DISC1: variants seen among roughly 807,000 people sequenced by gnomAD.
DISC1 encodes disrupted in schizophrenia 1 protein.
In DISC1, 57 loss-of-function variants were observed where a neutral mutation model predicts 84.5. The observed-to-expected ratio is 0.67, with a 90% CI of 0.55 to 0.84. DISC1 has a LOEUF of 0.84. Ranked by LOEUF, DISC1 falls within the 40% of genes least tolerant of loss-of-function variation. DISC1 has a pLI of 0.00. For missense variants in DISC1, 1,000 were observed against 1,057.8 expected (o/e 0.95, Z 0.76); for synonymous variants, 411 against 415.2 (o/e 0.99, Z 0.12).
At chr1:231,668,502 T>C (rs1484121353) in intron 1 of DISC1, among the ~76,000 whole-genome samples, 1 of 152,156 alleles carries the variant, frequency 6.6e-6, no homozygotes, top group Non-Finnish European at 1.5e-5. Flanking sequence ...AAGAGATGAT[T>C]TTCAGAGTCA....
At chr1:231,786,298 G>C (rs1051122606) in intron 6 of DISC1, among the ~76,000 whole-genome samples, 1 of 152,220 alleles carries the variant, frequency 6.6e-6, no homozygotes, top group Non-Finnish European at 1.5e-5. Flanking sequence ...CAACTGAGAA[G>C]ATGGAGCCCC....
In DISC1 at chr1:231,645,381, A is replaced by T. The variant is rs2060035885; in HGVS notation, c.67+18447A>T. Among the ~76,000 whole-genome samples, 3 of 152,252 alleles carry T rather than the reference A, an allele frequency of 2.0e-5. No homozygotes were observed. In the South Asian group the frequency reaches 6.2e-4, roughly 32 times the overall value. ...GTACAAGTCAAACCAGGGCCTTTAG[A>T]GCAGGGACCTTCATTGCACTGCCCT... On this transcript the variant is annotated intron_variant, in intron 1 of 12. Coordinates refer to ENST00000439617, the MANE Select transcript of DISC1 (RefSeq NM_018662.3).
At chr1:231,991,983 TG>T (rs1224885042) in intron 10 of DISC1, among the ~76,000 whole-genome samples, 1 of 152,234 alleles carries the variant, frequency 6.6e-6, no homozygotes, top group Non-Finnish European at 1.5e-5. Context: ...TAAAAATGGC[TG>T]TATGATATGT....
chr1:231,901,201 C>A (rs1026763363), intron 9 of DISC1, among the ~76,000 whole-genome samples: 1 of 152,128 alleles, frequency 6.6e-6, no homozygotes, highest in Non-Finnish European at 1.5e-5. Context: ...AATGGCTGGC[C>A]TGTCTTCAAA....
chr1:231,755,895 C>G (rs1305177636), intron 4 of DISC1, among the ~76,000 whole-genome samples: 1 of 152,224 alleles, frequency 6.6e-6, no homozygotes, highest in Non-Finnish European at 1.5e-5. Flanking sequence ...TTGCAGTGGT[C>G]TCCTTGCTGG....
chr1:231,705,765 AT>A (rs1465291882), intron 3 of DISC1, among the ~76,000 whole-genome samples: 2 of 152,140 alleles, frequency 1.3e-5, no homozygotes, highest in Non-Finnish European at 2.9e-5. Context: ...CATTTTAAGA[AT>A]TGTTGAGTTT....
intron 10 of DISC1, among the ~76,000 whole-genome samples, chr1:231,962,651 A>G (rs945120651): frequency 6.6e-6 from 1 of 152,198 alleles, no homozygotes; most frequent in African/African-American, 2.4e-5. Context: ...AGATTAGGGT[A>G]TATTTTTAGT....
chr1:231,840,083 A>G (rs1208286170), intron 9 of DISC1, among the ~76,000 whole-genome samples: 1 of 152,306 alleles, frequency 6.6e-6, no homozygotes, highest in Non-Finnish European at 1.5e-5. Flanking sequence ...CCTCAAAAAA[A>G]CCCAAACATT....
intron 11 of DISC1, among the ~76,000 whole-genome samples, chr1:232,014,840 T>A (rs555295905): frequency 6.6e-6 from 1 of 152,236 alleles, no homozygotes; most frequent in Non-Finnish European, 1.5e-5. Context: ...TGTTATTGAA[T>A]CTTTCCAAGG....
chr1:231,764,289 A>G (rs73117200), intron 4 of DISC1, among the ~76,000 whole-genome samples: 7 of 152,236 alleles, frequency 4.6e-5, no homozygotes, highest in African/African-American at 9.6e-5. Context: ...CTAATTGGCT[A>G]TGTTAAAATA....
At chr1:232,034,634 T>G (rs1670348903) in intron 12 of DISC1, among the ~76,000 whole-genome samples, 1 of 152,212 alleles carries the variant, frequency 6.6e-6, no homozygotes, top group African/African-American at 2.4e-5. Flanking sequence ...TCTAAAAACC[T>G]TTGTCATCAT....
At chr1:231,782,724 G>A (rs1396204515) in intron 6 of DISC1, among the ~76,000 whole-genome samples, 2 of 152,026 alleles carry the variant, frequency 1.3e-5, no homozygotes, top group Admixed American at 6.6e-5. Flanking sequence ...GATCACTTGA[G>A]GTCAGGCGTT....
At chr1:231,917,931 C>T (rs1056309047) in intron 9 of DISC1, among the ~76,000 whole-genome samples, 2 of 152,234 alleles carry the variant, frequency 1.3e-5, no homozygotes, top group African/African-American at 4.8e-5. Flanking sequence ...GGCAACTTGA[C>T]TATCTTCATT....
intron 1 of DISC1, among the ~76,000 whole-genome samples, chr1:231,652,434 G>A (rs1289955946): frequency 2.0e-5 from 3 of 152,110 alleles, no homozygotes; most frequent in Non-Finnish European, 4.4e-5. Context: ...CAATACTGAT[G>A]GGAAAACTTT....
chr1:231,896,012 A>T (rs891614813), intron 9 of DISC1, among the ~76,000 whole-genome samples: 4 of 152,206 alleles, frequency 2.6e-5, no homozygotes. Context: ...CTCTAGCATC[A>T]TACAGGCTGA....
chr1:231,976,953 C>A (rs1196425900), intron 10 of DISC1, among the ~76,000 whole-genome samples: 2 of 152,140 alleles, frequency 1.3e-5, no homozygotes, highest in Non-Finnish European at 2.9e-5. Context: ...TGCCTCCCAA[C>A]AACCCAATGA....
In DISC1 at chr1:231,659,473, C is replaced by T. The variant is rs1003610954; in HGVS notation, c.67+32539C>T. 2.6e-5 allele frequency among the ~76,000 whole-genome samples: 4 copies of T among 152,010 alleles called. No individual in the cohort carries two copies. The East Asian group carries it at 7.7e-4, about 29-fold the overall frequency. On this transcript the variant is annotated intron_variant, in intron 1 of 12. Transcript: ENST00000439617. ...TTTGAAGGGTTTTTTGTGTCTCTGT[C>T]TTCTTCACTTATTATGCCCTCATCC...
chr1:231,730,911 T>A (rs576982190), intron 3 of DISC1, among the ~76,000 whole-genome samples: 42 of 152,336 alleles, frequency 2.8e-4, no homozygotes, highest in African/African-American at 1.0e-3. Flanking sequence ...TGTAAAATTA[T>A]TTTTATGCAG....
At chr1:231,994,339 T>A (rs960862614) in intron 10 of DISC1, among the ~76,000 whole-genome samples, 5 of 152,288 alleles carry the variant, frequency 3.3e-5, no homozygotes, top group African/African-American at 9.6e-5. Context: ...AGCTGGCTTG[T>A]CTCAGAGCAA....
Sources: gnomAD v4.1 joint callset for allele counts (sites outside exome capture counted in the v4.1 genomes callset) on GRCh38, gnomAD v4.1.1 for gene constraint, MANE v1.5 for transcripts, NCBI Gene and HGNC (gene_info 2026-07-23, HGNC 2026-07-21) for gene names.